Variants in PHF20L1 observed in about 807,000 individuals in gnomAD.
PHF20L1 encodes the protein PHD finger protein 20 like 1, also known as PHD finger protein 20-like protein 1.
In PHF20L1, 44 loss-of-function variants were observed where a neutral mutation model predicts 125.5. That is an observed-to-expected ratio of 0.35 (90% CI 0.28 to 0.45). The LOEUF is 0.45. PHF20L1 is among the 20% of genes least tolerant of loss of function. The probability of loss-of-function intolerance (pLI) is 1.00; values close to 1 mark genes in which losing one functional copy is unlikely to be tolerated. For missense variants in PHF20L1, 1,012 were observed against 1,217.2 expected (o/e 0.83, Z 2.51); for synonymous variants, 380 against 403.1 (o/e 0.94, Z 0.69).
chr8:132,823,485 C>T (rs1403847076), intron 12 of PHF20L1, among the ~76,000 whole-genome samples: 3 of 151,966 alleles, frequency 2.0e-5, no homozygotes, highest in African/African-American at 7.2e-5. Flanking sequence ...TAGACCTTTA[C>T]TGATGGCCTA....
rs999423037 is a variant in PHF20L1 at position 132,832,369 on chromosome 8, G to A, written c.1879G>A (p.Ala627Thr). 1 of 1,612,108 alleles carries A rather than the reference G, an allele frequency of 6.2e-7. No individual in the cohort carries two copies. The highest frequency in any genetic ancestry group is 8.5e-7 in the Non-Finnish European group (1 of 1,178,648). ...AACTACAACCTATCAGTACCCAAGG[G>A]CAATTCTATCCGTTGATCTTAGTGG... The part of the protein sequence containing the change: ...EKTTTYQYPR[A>T]ILSVDLSGEN... The change falls in exon 15 of 21, where the codon GCA becomes ACA. Residue 627 changes from alanine (A) to threonine (T), a missense_variant. Ala to Thr is a moderately conservative substitution (Grantham distance 58, BLOSUM62 0). Coordinates refer to ENST00000395386, the MANE Select transcript of PHF20L1 (RefSeq NM_016018.5).
intron 14 of PHF20L1, among the ~76,000 whole-genome samples, chr8:132,828,312 T>C (rs1836412308): frequency 6.6e-6 from 1 of 152,022 alleles, no homozygotes; most frequent in East Asian, 1.9e-4. Context: ...GTTATCTACA[T>C]TTTACCAACA....
At chr8:132,814,356 T>G (rs1203275017) in intron 9 of PHF20L1, among the ~76,000 whole-genome samples, 3 of 151,928 alleles carry the variant, frequency 2.0e-5, no homozygotes, top group Non-Finnish European at 4.4e-5. Flanking sequence ...TGAAAATATT[T>G]GTCCAGTAAG....
chr8:132,809,763 T>C (rs1318845425), intron 8 of PHF20L1: 1 of 152,192 alleles, frequency 6.6e-6, no homozygotes, highest in Non-Finnish European at 1.5e-5. Context: ...TGACCTTTTA[T>C]GAGCAGGGTG....
At chr8:132,831,763 A>C (rs1366765967) in intron 14 of PHF20L1, among the ~76,000 whole-genome samples, 1 of 151,988 alleles carries the variant, frequency 6.6e-6, no homozygotes, top group Non-Finnish European at 1.5e-5. Flanking sequence ...AATGTGTGCC[A>C]TGGTGGTTTG....
intron 1 of PHF20L1, 51 bp downstream of exon 1, chr8:132,775,696 C>T (rs911992382): frequency 6.4e-4 from 206 of 322,254 alleles, no homozygotes; most frequent in Middle Eastern, 1.7e-3. Context: ...CCCGCCGGGC[C>T]GCCCGGGACG....
intron 1 of PHF20L1, 25 bp from the exon 2 acceptor site, chr8:132,777,767 A>G (rs1829991448): frequency 1.5e-5 from 16 of 1,048,566 alleles, no homozygotes; most frequent in Middle Eastern, 4.1e-4. Flanking sequence ...CTGCATTGGA[A>G]TCTAACTTTT....
At chr8:132,802,097 C>T (rs1265758446) in intron 6 of PHF20L1, among the ~76,000 whole-genome samples, 1 of 151,060 alleles carries the variant, frequency 6.6e-6, no homozygotes, top group African/African-American at 2.4e-5. Flanking sequence ...TCTGATTGTA[C>T]TTACTCTTGT....
chr8:132,778,678 A>G (rs1345584961), intron 2 of PHF20L1, among the ~76,000 whole-genome samples: 1 of 152,184 alleles, frequency 6.6e-6, no homozygotes, highest in South Asian at 2.1e-4. Context: ...AGGAATGAGG[A>G]GGATTCTCCT....
chr8:132,787,209 T>A (rs1831143543), intron 2 of PHF20L1, among the ~76,000 whole-genome samples: 1 of 151,736 alleles, frequency 6.6e-6, no homozygotes, highest in East Asian at 1.9e-4. Context: ...TATTTTGATT[T>A]GGTTAGAACT....
intron 12 of PHF20L1, among the ~76,000 whole-genome samples, chr8:132,819,991 G>A (rs1835401511): frequency 2.0e-5 from 3 of 151,792 alleles, no homozygotes; most frequent in Non-Finnish European, 4.4e-5. Flanking sequence ...GGATTGATGA[G>A]ATTTGCAGAT....
chr8:132,784,490 T>A (rs1354252588), intron 2 of PHF20L1, among the ~76,000 whole-genome samples: 2 of 152,138 alleles, frequency 1.3e-5, no homozygotes, highest in African/African-American at 4.8e-5. Context: ...TTTCACCTAT[T>A]CAGGGATGAC....
At chr8:132,786,214 C>T (rs547295113) in intron 2 of PHF20L1, among the ~76,000 whole-genome samples, 3 of 152,086 alleles carry the variant, frequency 2.0e-5, no homozygotes, top group Middle Eastern at 3.4e-3. Flanking sequence ...GAGTTTCAAA[C>T]GTGATGAAAG....
intron 1 of PHF20L1, among the ~76,000 whole-genome samples, chr8:132,776,832 CT>C (rs1284229997): frequency 1.1e-4 from 17 of 152,292 alleles, no homozygotes; most frequent in African/African-American, 3.4e-4. Flanking sequence ...CTCCTCGCCC[CT>C]GATAACAATC....
At chr8:132,802,562 C>T (rs1342904676) in intron 6 of PHF20L1, among the ~76,000 whole-genome samples, 2 of 151,728 alleles carry the variant, frequency 1.3e-5, no homozygotes, top group African/African-American at 4.8e-5. Flanking sequence ...AGTCTTTTAT[C>T]AGTTGCGGTC....
At chr8:132,843,593 T>A (rs1428190343) in intron 19 of PHF20L1, 1 of 968,220 alleles carries the variant, frequency 1.0e-6, no homozygotes, top group Non-Finnish European at 1.2e-6. Context: ...CTCTGGCAAA[T>A]CCAAACGCAC....
chr8:132,796,300 A>G (rs902321796), intron 4 of PHF20L1, among the ~76,000 whole-genome samples: 1 of 152,030 alleles, frequency 6.6e-6, no homozygotes, highest in Non-Finnish European at 1.5e-5. Flanking sequence ...GAGAAAGGCA[A>G]AGATTGGTAT....
At chr8:132,813,161 A>G in intron 9 of PHF20L1, 1 of 960,102 alleles carries the variant, frequency 1.0e-6, no homozygotes, top group Non-Finnish European at 1.2e-6. Context: ...CACATATGTG[A>G]AGATGAACAA....
chr8:132,822,408 C>G (rs891937228), intron 12 of PHF20L1, among the ~76,000 whole-genome samples: 1 of 151,898 alleles, frequency 6.6e-6, no homozygotes, highest in African/African-American at 2.4e-5. Flanking sequence ...CATCATTGTT[C>G]CACCTTTTCC....
Sources: allele counts gnomAD v4.1 joint callset (sites outside exome capture counted in the v4.1 genomes callset), GRCh38; gene constraint gnomAD v4.1.1; transcripts MANE v1.5; gene names NCBI Gene and HGNC (gene_info 2026-07-23, HGNC 2026-07-21).